CFAP47: variants seen among roughly 807,000 people sequenced by gnomAD.
The protein encoded by CFAP47 is cilia and flagella associated protein 47, also known as cilia- and flagella-associated protein 47.
A neutral mutation model predicts 148.1 loss-of-function variants in CFAP47; 29 were observed. That is an observed-to-expected ratio of 0.20 (90% CI 0.15 to 0.27). The LOEUF (loss-of-function observed/expected upper bound fraction) is 0.27. Ranked by LOEUF, CFAP47 falls within the 10% of genes least tolerant of loss-of-function variation. The probability of loss-of-function intolerance (pLI) is 1.00; values close to 1 mark genes in which losing one functional copy is unlikely to be tolerated. For missense variants in CFAP47, 1,872 were observed against 1,697.5 expected, an observed-to-expected ratio of 1.10 and a Z score of -1.81; for synonymous variants, 664 against 577.3, an observed-to-expected ratio of 1.15 and a Z score of -2.15.
intron 39 of CFAP47, among the ~76,000 whole-genome samples, chrX:36,176,584 G>T (rs1483789062): frequency 1.8e-5 from 2 of 112,013 alleles, no homozygotes; most frequent in Non-Finnish European, 3.8e-5. Flanking sequence ...GAATCACGTT[G>T]TTCTAGGTCA....
intron 3 of CFAP47, among the ~76,000 whole-genome samples, chrX:35,942,504 A>G (rs1360128632): frequency 1.8e-5 from 2 of 111,501 alleles, no homozygotes; most frequent in Non-Finnish European, 3.8e-5. Flanking sequence ...AGTGTTAAGG[A>G]GGAAGTCTCT....
intron 32 of CFAP47, among the ~76,000 whole-genome samples, chrX:36,102,440 CA>C (rs1487653438): frequency 8.9e-6 from 1 of 111,764 alleles, no homozygotes; most frequent in African/African-American, 3.2e-5. Context: ...GAGTATTTTA[CA>C]AAACTATCAT....
chrX:36,170,350 A>C (rs995275992), intron 39 of CFAP47, among the ~76,000 whole-genome samples: 2 of 110,867 alleles, frequency 1.8e-5, no homozygotes, highest in Admixed American at 9.6e-5. Flanking sequence ...CACAATGTGC[A>C]GGTTAGTTAC....
At chrX:36,348,040 G>C in intron 57 of CFAP47, 89 bp from the exon 58 acceptor site, 3 of 467,928 alleles carry the variant, frequency 6.4e-6, no homozygotes, top group East Asian at 1.0e-4. Context: ...TTGATAATCA[G>C]TAATCAAATT....
chrX:36,190,984 G>T (rs1360065553), intron 42 of CFAP47, among the ~76,000 whole-genome samples: 1 of 111,629 alleles, frequency 9.0e-6, no homozygotes, highest in Non-Finnish European at 1.9e-5. Context: ...ATGGTAATTG[G>T]AAAGAGGTAT....
chrX:36,253,662 A>G (rs1262359765), intron 49 of CFAP47, among the ~76,000 whole-genome samples: 1 of 111,968 alleles, frequency 8.9e-6, no homozygotes, highest in East Asian at 2.8e-4. Context: ...CTAAAGACCT[A>G]TAATTTGGAA....
At chrX:36,280,436 T>C in intron 49 of CFAP47, 51 bp from the exon 50 acceptor site, 1 of 422,887 alleles carries the variant, frequency 2.4e-6, no homozygotes, top group South Asian at 4.2e-5. Context: ...ACCTTTTGTT[T>C]CAGAAAACTA....
chrX:36,215,912 G>A (rs1940154810), intron 45 of CFAP47, among the ~76,000 whole-genome samples: 1 of 111,709 alleles, frequency 9.0e-6, no homozygotes, highest in Admixed American at 9.5e-5. Flanking sequence ...CCCCCTAATG[G>A]TATTTATTTC....
chrX:36,119,784 G>T (rs1436518541), intron 33 of CFAP47, among the ~76,000 whole-genome samples: 1 of 110,912 alleles, frequency 9.0e-6, no homozygotes, highest in Non-Finnish European at 1.9e-5. Flanking sequence ...GTTTAAAGTT[G>T]GTAGGTTATA....
chrX:36,227,725 G>T (rs1482236433), intron 45 of CFAP47, among the ~76,000 whole-genome samples: 1 of 112,162 alleles, frequency 8.9e-6, no homozygotes, highest in Non-Finnish European at 1.9e-5. Flanking sequence ...GAACTTCCTT[G>T]TACAGAATTA....
rs200942377 is a variant in CFAP47, at chrX:36,073,214, A to G, written c.4541A>G (p.Lys1514Arg). ...GAGGAAGATCATGGGTCTCTGGAAA[A>G]GGAAAAATATGAACAATTCCTTTCT... ...TSEEDHGSLE[K>R]EKYEQFLSLE... is the part of the protein sequence containing the mutation. The change falls in exon 29 of 64, where the codon AAG (lysine) becomes AGG (arginine). Residue 1514 changes from lysine to arginine, a missense_variant. Lys to Arg is a conservative substitution (Grantham distance 26). Coordinates refer to ENST00000378653, the MANE Select transcript of CFAP47 (RefSeq NM_001304548.2). 1 of 1,208,340 alleles carries G rather than the reference A, an allele frequency of 8.3e-7. No individual in the cohort carries two copies. Among genetic ancestry groups the G allele is most frequent in the East Asian group, 3.0e-5 (1 of 33,678 alleles).
intron 6 of CFAP47, among the ~76,000 whole-genome samples, 183 bp downstream of exon 6, chrX:35,952,146 A>G (rs1936176253): frequency 8.9e-6 from 1 of 112,090 alleles, no homozygotes; most frequent in South Asian, 3.7e-4. Flanking sequence ...AATTCTAAAT[A>G]TGGTTCTAAA....
At chrX:36,177,619 C>T (rs1350739941) in intron 39 of CFAP47, among the ~76,000 whole-genome samples, 1 of 111,909 alleles carries the variant, frequency 8.9e-6, no homozygotes, top group Non-Finnish European at 1.9e-5. Flanking sequence ...TTACATTTTA[C>T]TATAGTTAAT....
chrX:35,957,857 A>G (rs1335715985), intron 8 of CFAP47, among the ~76,000 whole-genome samples: 1 of 112,499 alleles, frequency 8.9e-6, no homozygotes, highest in African/African-American at 3.2e-5. Flanking sequence ...TAGAAGTGTG[A>G]TAAGATTATT....
chrX:36,084,475 A>C (rs1165130408), intron 29 of CFAP47, among the ~76,000 whole-genome samples: 3 of 111,438 alleles, frequency 2.7e-5, no homozygotes, highest in Non-Finnish European at 5.7e-5. Flanking sequence ...TTTCTTGCCC[A>C]GTGGAACGTA....
At chrX:36,383,369 C>T (rs1227707865) in intron 63 of CFAP47, among the ~76,000 whole-genome samples, 1 of 111,516 alleles carries the variant, frequency 9.0e-6, no homozygotes, top group African/African-American at 3.3e-5. Flanking sequence ...AAATGCTGGC[C>T]GTGGGCACAG....
chrX:36,206,631 C>T (rs948998322), intron 45 of CFAP47, among the ~76,000 whole-genome samples: 30 of 111,277 alleles, frequency 2.7e-4, no homozygotes, highest in African/African-American at 9.4e-4. Context: ...AAATGTATAA[C>T]CAAGGATACA....
chrX:36,274,342 G>A (rs1192315818), intron 49 of CFAP47, among the ~76,000 whole-genome samples: 4 of 111,585 alleles, frequency 3.6e-5, no homozygotes, highest in Non-Finnish European at 7.5e-5. Context: ...ACTTTATGAT[G>A]GTGCAAAAGC....
At position 36,285,721 on chromosome X, in the gene CFAP47, G is replaced by T. The variant is rs1602090721; in HGVS notation, c.7681G>T (p.Ala2561Ser). The change falls in exon 51 of 64, where the codon GCT becomes TCT. Residue 2561 changes from alanine to serine, a missense_variant. By Grantham distance (99) the Ala-to-Ser change is moderately conservative. Coordinates refer to ENST00000378653, the MANE Select transcript of CFAP47 (RefSeq NM_001304548.2). Reference protein sequence around the residue: ...PIEIMEMTCIALDSTCIEIPL... With the variant: ...PIEIMEMTCISLDSTCIEIPL... ...AGAGATTATGGAAATGACATGTATTGCTCTGGTAAGTGCCCATTGCATGTT... is the reference window on the plus strand; with the variant it reads ...AGAGATTATGGAAATGACATGTATTTCTCTGGTAAGTGCCCATTGCATGTT... The T allele has an allele frequency of 4.3e-6, 5 of 1,151,090 alleles. No homozygotes were observed. The highest frequency in any genetic ancestry group is 5.8e-6 in the Non-Finnish European group (5 of 860,866). 94.9% of individuals were successfully genotyped at this position (1,151,090 alleles called of 1,213,427 possible).
Sources: gnomAD v4.1 joint callset for allele counts (sites outside exome capture counted in the v4.1 genomes callset) on GRCh38, gnomAD v4.1.1 for gene constraint, MANE v1.5 for transcripts, NCBI Gene and HGNC (gene_info 2026-07-23, HGNC 2026-07-21) for gene names.